Variants in CACNA1B observed in about 807,000 individuals in gnomAD.
CACNA1B encodes voltage-dependent N-type calcium channel subunit alpha-1B.
A neutral mutation model predicts 247.2 loss-of-function variants in CACNA1B; 70 were observed. That is an observed-to-expected ratio of 0.28 (90% CI 0.23 to 0.35). The LOEUF (loss-of-function observed/expected upper bound fraction) is 0.35, where lower values mean the gene tolerates loss of function less well. Ranked by LOEUF, CACNA1B falls within the 10% of genes least tolerant of loss-of-function variation. The pLI is 1.00. For synonymous variants in CACNA1B, 1,231 were observed against 1,294.4 expected (o/e 0.95, Z 1.05); for missense variants, 2,367 against 3,197.4 (o/e 0.74, Z 6.26).
chr9:137,893,521 C>T (rs1175118733), intron 3 of CACNA1B, among the ~76,000 whole-genome samples: 2 of 151,604 alleles, frequency 1.3e-5, no homozygotes, highest in East Asian at 1.9e-4. Context: ...CAAGGTGGCA[C>T]GCGCCTGTAA....
intron 5 of CACNA1B, among the ~76,000 whole-genome samples, chr9:137,915,868 T>C (rs1333645188): frequency 6.6e-6 from 1 of 151,878 alleles, no homozygotes; most frequent in East Asian, 1.9e-4. Context: ...AAACTCATTA[T>C]TCTTAGTCTT....
At chr9:137,989,882 GA>G (rs1470196636) in intron 15 of CACNA1B, among the ~76,000 whole-genome samples, 3 of 152,178 alleles carry the variant, frequency 2.0e-5, no homozygotes, top group Non-Finnish European at 4.4e-5. Flanking sequence ...GAAAAAACAG[GA>G]AATGGAACCA....
chr9:138,090,320 A>G (rs1342928187), intron 36 of CACNA1B, among the ~76,000 whole-genome samples: 1 of 152,202 alleles, frequency 6.6e-6, no homozygotes, highest in Non-Finnish European at 1.5e-5. Context: ...AGTCTCTTCA[A>G]TAAACGATGG....
At chr9:137,988,010 C>T (rs903362533) in intron 15 of CACNA1B, among the ~76,000 whole-genome samples, 9 of 152,348 alleles carry the variant, frequency 5.9e-5, no homozygotes, top group East Asian at 1.9e-4. Context: ...TCTTATTCCT[C>T]GAGTGGGAGG....
intron 3 of CACNA1B, among the ~76,000 whole-genome samples, chr9:137,900,156 C>T (rs1423454941): frequency 1.3e-5 from 2 of 152,224 alleles, no homozygotes; most frequent in Non-Finnish European, 2.9e-5. Context: ...AAGCTCCTCA[C>T]AGACGGCTGT....
intron 36 of CACNA1B, among the ~76,000 whole-genome samples, chr9:138,086,798 C>T (rs1273376609): frequency 1.3e-5 from 2 of 151,188 alleles, no homozygotes; most frequent in African/African-American, 2.4e-5. Context: ...CTTTAAAGTG[C>T]CTTTTAGTCC....
intron 35 of CACNA1B, 86 bp downstream of exon 35, chr9:138,075,996 G>T: frequency 1.2e-6 from 1 of 866,912 alleles, no homozygotes; most frequent in South Asian, 1.5e-5. Context: ...GGTGTCAACC[G>T]TGGAGACCAC....
chr9:137,951,338 G>C (rs539766357), intron 6 of CACNA1B, among the ~76,000 whole-genome samples: 4 of 152,362 alleles, frequency 2.6e-5, no homozygotes, highest in African/African-American at 9.6e-5. Flanking sequence ...AATCCGCCAG[G>C]CTGGCAGACA....
chr9:138,120,585 C>A, intron 45 of CACNA1B, 46 bp from the exon 46 acceptor site: 1 of 1,465,726 alleles, frequency 6.8e-7, no homozygotes, highest in Non-Finnish European at 9.0e-7. Context: ...GTCAGGGGTC[C>A]CTGCCTTGGG....
chr9:137,959,287 G>C (rs1215117228), intron 10 of CACNA1B, among the ~76,000 whole-genome samples: 1 of 152,156 alleles, frequency 6.6e-6, no homozygotes, highest in African/African-American at 2.4e-5. Context: ...TGGCCTGGCT[G>C]TTCTCGAACT....
chr9:138,037,999 G>A (rs79675082), intron 20 of CACNA1B, among the ~76,000 whole-genome samples: 1,557 of 152,234 alleles, frequency 0.01, 33 homozygotes, highest in African/African-American at 0.035. Flanking sequence ...CTCATTAACT[G>A]CTTGGTTACC....
chr9:138,106,492 G>A (rs1423861727), intron 39 of CACNA1B, among the ~76,000 whole-genome samples: 3 of 152,244 alleles, frequency 2.0e-5, no homozygotes, highest in African/African-American at 7.2e-5. Flanking sequence ...AAAGTTCGCT[G>A]GGCGCGGTGG....
chr9:137,954,806 G>T lies in CACNA1B; in HGVS notation c.1071-892G>T, dbSNP rs978491726. Among the ~76,000 whole-genome samples the T allele has an allele frequency of 6.6e-6, 1 of 151,374 alleles. No homozygotes were observed. The highest frequency in any genetic ancestry group is 1.5e-5 in the Non-Finnish European group (1 of 67,934). ...AGCCGGGGATTGTTGCACCGGGGCTGTGTGTGCTGGGAGTCATACCTGCCA... is the reference window on the plus strand; with the variant it reads ...AGCCGGGGATTGTTGCACCGGGGCTTTGTGTGCTGGGAGTCATACCTGCCA... On this transcript the variant is annotated intron_variant, in intron 7 of 46. Coordinates refer to ENST00000371372, the MANE Select transcript of CACNA1B (RefSeq NM_000718.4). The surrounding 1 kb of genome is among the most constrained non-coding windows in gnomAD (Gnocchi z 4.1).
intron 31 of CACNA1B, among the ~76,000 whole-genome samples, chr9:138,063,679 G>A (rs752482534): frequency 6.6e-6 from 1 of 152,146 alleles, no homozygotes; most frequent in Non-Finnish European, 1.5e-5. Context: ...GAGTAGATCT[G>A]TTCTATTAAA....
chr9:138,109,707 C>T (rs948369258), intron 39 of CACNA1B, among the ~76,000 whole-genome samples: 3 of 152,150 alleles, frequency 2.0e-5, no homozygotes, highest in Non-Finnish European at 2.9e-5. Context: ...ATACCTTTTA[C>T]CCTGTACAAA....
At chr9:137,949,623 G>T (rs1488195644) in intron 6 of CACNA1B, among the ~76,000 whole-genome samples, 2 of 152,080 alleles carry the variant, frequency 1.3e-5, no homozygotes, top group African/African-American at 4.8e-5. Flanking sequence ...GGTTCTGCCT[G>T]GCGGGCTTGT....
chr9:137,908,585 A>G (rs1263235627), intron 3 of CACNA1B, among the ~76,000 whole-genome samples: 1 of 152,128 alleles, frequency 6.6e-6, no homozygotes, highest in East Asian at 1.9e-4. Context: ...TAATTTTCCC[A>G]TTTAAAGTGT....
intron 12 of CACNA1B, among the ~76,000 whole-genome samples, chr9:137,980,821 CT>C (rs1382355362): frequency 6.6e-6 from 1 of 152,204 alleles, no homozygotes; most frequent in Non-Finnish European, 1.5e-5. Context: ...ATCCATATTA[CT>C]GCAAAATACA....
intron 5 of CACNA1B, among the ~76,000 whole-genome samples, chr9:137,916,014 C>T (rs1242705400): frequency 6.6e-6 from 1 of 150,970 alleles, no homozygotes; most frequent in Non-Finnish European, 1.5e-5. Context: ...TAGATATTTT[C>T]ATGTGTTGTT....
Sources: allele counts gnomAD v4.1 joint callset (sites outside exome capture counted in the v4.1 genomes callset), GRCh38; gene constraint gnomAD v4.1.1; non-coding constraint Gnocchi (gnomAD v3.1); transcripts MANE v1.5; gene names NCBI Gene and HGNC (gene_info 2026-07-23, HGNC 2026-07-21).